The following DGKE variants were observed in gnomAD, a reference collection of about 807,000 sequenced individuals.
The protein encoded by DGKE is DAG kinase epsilon.
DGKE carries 53 observed loss-of-function variants against 70.0 expected under a neutral mutation model. The ratio of observed to expected loss-of-function variants is 0.76; its 90% CI spans 0.61 to 0.95. The LOEUF is 0.95. Ranked by LOEUF, DGKE falls within the 40% of genes least tolerant of loss-of-function variation. DGKE has a pLI of 0.00. For synonymous variants in DGKE, 291 were observed against 257.0 expected (o/e 1.13, Z -1.27); for missense variants, 655 against 706.9 (o/e 0.93, Z 0.83).
intron 2 of DGKE, among the ~76,000 whole-genome samples, chr17:56,837,339 T>C (rs925996281): frequency 1.3e-5 from 2 of 152,196 alleles, no homozygotes; most frequent in Non-Finnish European, 2.9e-5. Context: ...ACCACTGCTA[T>C]ATTTACATAT....
chr17:56,839,674 A>G (rs1906845046), intron 2 of DGKE, among the ~76,000 whole-genome samples: 1 of 151,676 alleles, frequency 6.6e-6, no homozygotes, highest in Non-Finnish European at 1.5e-5. Context: ...ATGCACCACC[A>G]TGCCTGATAT....
chr17:56,853,904 ATAACC>A (rs1489257341), intron 7 of DGKE, among the ~76,000 whole-genome samples: 3 of 152,140 alleles, frequency 2.0e-5, no homozygotes, highest in African/African-American at 7.2e-5. Context: ...AGATGCAGAA[ATAACC>A]TAAGTGCCCA....
At chr17:56,843,483 T>C (rs1321589995) in intron 2 of DGKE, among the ~76,000 whole-genome samples, 3 of 151,986 alleles carry the variant, frequency 2.0e-5, no homozygotes, top group Non-Finnish European at 2.9e-5. Flanking sequence ...CCTGAATGGA[T>C]CTTGGGGCCC....
rs1908489040 is a variant in DGKE at position 56,865,380 on chromosome 17, A to G, written c.*2589A>G. 6.6e-6 allele frequency: 1 copy of G among 152,200 alleles called. No homozygotes were observed. The highest frequency in any genetic ancestry group is 2.1e-4 in the South Asian group (1 of 4,830). 9.4% of individuals were successfully genotyped at this position (152,200 alleles called of 1,614,324 possible). A position where few individuals can be genotyped will look rare whatever the true frequency, so the allele number is the denominator to read the frequency against. Reference sequence around the variant, plus strand: ...TTTCTCTAATCTTTTTACTATCCCAATACATTCCTAATTCCTATAAACGTA... The same window carrying G: ...TTTCTCTAATCTTTTTACTATCCCAGTACATTCCTAATTCCTATAAACGTA... On this transcript the variant is annotated 3_prime_UTR_variant, in exon 12 of 12. Coordinates refer to ENST00000284061, the MANE Select transcript of DGKE (RefSeq NM_003647.3).
At chr17:56,842,123 A>G (rs912280052) in intron 2 of DGKE, among the ~76,000 whole-genome samples, 4 of 152,238 alleles carry the variant, frequency 2.6e-5, no homozygotes, top group Admixed American at 6.5e-5. Context: ...ATATATATAC[A>G]TCATACTTCT....
intron 10 of DGKE, 65 bp from the exon 11 acceptor site, chr17:56,862,075 A>G (rs917344014): frequency 1.3e-6 from 2 of 1,576,666 alleles, no homozygotes; most frequent in Non-Finnish European, 1.7e-6. Context: ...TTAAAAAGTA[A>G]TTGCTCTAGC....
rs1666660851 is a variant in DGKE, at chr17:56,867,764, GGGCA to G, written c.*4974_*4977del. On this transcript the variant is annotated 3_prime_UTR_variant, in exon 12 of 12. Transcript: ENST00000284061. ...CAAAAATTTAGCCGGGCATGGTGGC[GGGCA>G]CCTGTAGTCCCAGCTACTCGGGAGG... The G allele has an allele frequency of 6.6e-6, 1 of 152,006 alleles. No individual in the cohort carries two copies. The highest frequency in any genetic ancestry group is 1.5e-5 in the Non-Finnish European group (1 of 68,118). The allele number at this position is 152,006 out of a possible 1,614,324, so 9.4% of individuals were successfully genotyped here. A position where few individuals can be genotyped will look rare whatever the true frequency, so the allele number is the denominator to read the frequency against.
In DGKE at chr17:56,862,548, T is replaced by G. The variant is rs1353092693; in HGVS notation, c.1525-64T>G. 4 of 1,387,436 alleles carry G rather than the reference T, an allele frequency of 2.9e-6. No individual in the cohort carries two copies. The East Asian group carries it at 7.7e-5, about 27-fold the overall frequency. The allele number at this position is 1,387,436 out of a possible 1,614,324, so 85.9% of individuals were successfully genotyped here. A position where few individuals can be genotyped will look rare whatever the true frequency, so the allele number is the denominator to read the frequency against. On this transcript the variant is annotated intron_variant, in intron 11 of 11. Coordinates refer to ENST00000284061, the MANE Select transcript of DGKE (RefSeq NM_003647.3). ...GTTAAGGGATTGTGGATGGTATTAT[T>G]AAGGAAGACCTTTCTAAATTTGGGG...
intron 7 of DGKE, among the ~76,000 whole-genome samples, chr17:56,850,978 G>A (rs1392003792): frequency 6.6e-6 from 1 of 152,194 alleles, no homozygotes; most frequent in Non-Finnish European, 1.5e-5. Flanking sequence ...CTTAAAAAAA[G>A]CAAAGGACTT....
chr17:56,851,489 T>C (rs1264836361), intron 7 of DGKE, among the ~76,000 whole-genome samples: 1 of 152,186 alleles, frequency 6.6e-6, no homozygotes. Context: ...CACGTACCAA[T>C]ATTTGAGTGT....
rs918050206 is a variant in DGKE, at chr17:56,864,888, C to T, written c.*2097C>T. 6.6e-6 allele frequency: 1 copy of T among 152,004 alleles called. No homozygotes were observed. The highest frequency in any genetic ancestry group is 2.1e-4 in the South Asian group (1 of 4,822). 9.4% of individuals were successfully genotyped at this position (152,004 alleles called of 1,614,324 possible). On this transcript the variant is annotated 3_prime_UTR_variant, in exon 12 of 12. Coordinates refer to ENST00000284061, the MANE Select transcript of DGKE (RefSeq NM_003647.3). ...CCATAATATTACACTGTATTTAGAA[C>T]AGGCTTATGTAAAATGCCCTCATTT... is the stretch of plus-strand genomic sequence containing the variant.
At chr17:56,851,723 A>C (rs1407034414) in intron 7 of DGKE, among the ~76,000 whole-genome samples, 1 of 152,246 alleles carries the variant, frequency 6.6e-6, no homozygotes, top group African/African-American at 2.4e-5. Flanking sequence ...TAGGAAACAC[A>C]GTCCAGGAAG....
chr17:56,851,840 G>C (rs1011890567), intron 7 of DGKE, among the ~76,000 whole-genome samples: 7 of 152,214 alleles, frequency 4.6e-5, no homozygotes, highest in Non-Finnish European at 8.8e-5. Flanking sequence ...CTCAAAAAAG[G>C]CTCTTATAAA....
rs754148566 is a variant in DGKE at position 56,862,811 on chromosome 17, CTT to C, written c.*22_*23del. The C allele has an allele frequency of 1.1e-5, 17 of 1,511,042 alleles. No individual in the cohort carries two copies. The East Asian group carries it at 3.1e-4, about 28-fold the overall frequency. 93.6% of individuals were successfully genotyped at this position (1,511,042 alleles called of 1,614,324 possible). A position where few individuals can be genotyped will look rare whatever the true frequency, so the allele number is the denominator to read the frequency against. Reference sequence around the variant, plus strand: ...GAATAGATGGATGAGGGAGTGAAAACTTTGCATAGAATCCTCACGCAAGTAGA... The same window carrying C: ...GAATAGATGGATGAGGGAGTGAAAACTGCATAGAATCCTCACGCAAGTAGA... On this transcript the variant is annotated 3_prime_UTR_variant, in exon 12 of 12. Coordinates refer to ENST00000284061, the MANE Select transcript of DGKE (RefSeq NM_003647.3).
chr17:56,851,795 A>G (rs965666357), intron 7 of DGKE, among the ~76,000 whole-genome samples: 1 of 152,244 alleles, frequency 6.6e-6, no homozygotes, highest in Non-Finnish European at 1.5e-5. Flanking sequence ...TTAATAGAAC[A>G]GGGTTCTATA....
Position 56,835,270 on chromosome 17 carries a change from C to T in DGKE, c.464+11C>T. The T allele has an allele frequency of 1.3e-6, 2 of 1,597,552 alleles. No individual in the cohort carries two copies. The highest frequency in any genetic ancestry group is 1.7e-6 in the Non-Finnish European group (2 of 1,173,822). ...GCTTTGCGATTACAGGTATGGTCTT[C>T]GTGGACACTCACTGTCCCAGAATGC... On this transcript the variant is annotated intron_variant, in intron 2 of 11. Coordinates refer to ENST00000284061, the MANE Select transcript of DGKE (RefSeq NM_003647.3).
At chr17:56,848,232 A>T (rs896071946) in intron 5 of DGKE, among the ~76,000 whole-genome samples, 167 bp downstream of exon 5, 3 of 152,016 alleles carry the variant, frequency 2.0e-5, no homozygotes, top group Non-Finnish European at 2.9e-5. Flanking sequence ...GACACAGCTA[A>T]CTGCAACCTC....
chr17:56,838,489 C>T (rs1906769284), intron 2 of DGKE: 1 of 152,202 alleles, frequency 6.6e-6, no homozygotes. Context: ...ATGAGCTTAC[C>T]TGTGTTCCAG....
intron 2 of DGKE, among the ~76,000 whole-genome samples, chr17:56,836,922 C>T (rs992361054): frequency 6.6e-6 from 1 of 152,178 alleles, no homozygotes; most frequent in African/African-American, 2.4e-5. Context: ...CTTCTAGGCA[C>T]CCTTAAAGAC....
Sources: gnomAD v4.1 joint callset for allele counts (sites outside exome capture counted in the v4.1 genomes callset) on GRCh38, gnomAD v4.1.1 for gene constraint, MANE v1.5 for transcripts, NCBI Gene and HGNC (gene_info 2026-07-23, HGNC 2026-07-21) for gene names.